ADD3: variants seen among roughly 807,000 people sequenced by gnomAD.
ADD3 encodes the protein adducin 3.
In ADD3, 25 loss-of-function variants were observed where a neutral mutation model predicts 80.2. The observed-to-expected ratio is 0.31, with a 90% CI of 0.23 to 0.44. The LOEUF is 0.44. ADD3 is among the 20% of genes least tolerant of loss of function. The pLI, the probability that ADD3 is intolerant of heterozygous loss-of-function variation, is 1.00. For missense variants in ADD3, 829 were observed against 847.5 expected (o/e 0.98, Z 0.27); for synonymous variants, 284 against 289.6 (o/e 0.98, Z 0.20).
chr10:110,015,215 G>C (rs1403678617), intron 1 of ADD3, among the ~76,000 whole-genome samples: 3 of 152,032 alleles, frequency 2.0e-5, no homozygotes, highest in African/African-American at 7.2e-5. Flanking sequence ...TTCGAATAAA[G>C]ATTTTCAAAA....
At chr10:110,085,407 ACAGT>A (rs34472330) in intron 1 of ADD3, among the ~76,000 whole-genome samples, 21,476 of 152,204 alleles carry the variant, frequency 0.14, 1,868 homozygotes, top group East Asian at 0.4. Context: ...ATCCAGGTAA[ACAGT>A]CAGGAGCAGA....
At chr10:110,037,866 A>C (rs1479848964) in intron 1 of ADD3, among the ~76,000 whole-genome samples, 2 of 151,938 alleles carry the variant, frequency 1.3e-5, no homozygotes, top group Non-Finnish European at 2.9e-5. Flanking sequence ...TGGGAGTTTG[A>C]AACCAGCCAG....
At chr10:110,107,420 G>A (rs748149551) in intron 2 of ADD3, among the ~76,000 whole-genome samples, 30 of 152,068 alleles carry the variant, frequency 2.0e-4, no homozygotes, top group Non-Finnish European at 3.7e-4. Context: ...AGTGCAAGTT[G>A]TGATCAGAGA....
At chr10:110,119,870 A>C (rs942445173) in intron 8 of ADD3, among the ~76,000 whole-genome samples, 2 of 152,222 alleles carry the variant, frequency 1.3e-5, no homozygotes, top group Non-Finnish European at 2.9e-5. Context: ...GGTACTAATT[A>C]AGGAAGAAAA....
intron 12 of ADD3, among the ~76,000 whole-genome samples, chr10:110,129,028 T>C (rs1852571820): frequency 6.6e-6 from 1 of 152,226 alleles, no homozygotes; most frequent in Non-Finnish European, 1.5e-5. Context: ...AATTCTTTTA[T>C]CTGGGACTAT....
rs146879363 is a variant in ADD3, at chr10:110,029,576, A to G, written c.-30+21277A>G. Among the ~76,000 whole-genome samples the G allele has an allele frequency of 3.8e-4, 58 of 152,348 alleles. No homozygotes were observed. The East Asian group carries it at 0.011, about 28-fold the overall frequency. On this transcript the variant is annotated intron_variant, in intron 1 of 14. Transcript: ENST00000356080. ...TGGGAAAGCATGGAGAGTTCTGAATAGATGATTAGATAAGGGCTTTCCAAA... is the reference window on the plus strand; with the variant it reads ...TGGGAAAGCATGGAGAGTTCTGAATGGATGATTAGATAAGGGCTTTCCAAA...
At chr10:110,101,437 C>T (rs1258180332) in intron 2 of ADD3, among the ~76,000 whole-genome samples, 1 of 151,980 alleles carries the variant, frequency 6.6e-6, no homozygotes, top group Non-Finnish European at 1.5e-5. Flanking sequence ...AGTTTGAAAC[C>T]AGCCTAGGCA....
At chr10:110,120,371 A>G (rs999397785) in intron 8 of ADD3, among the ~76,000 whole-genome samples, 9 of 150,432 alleles carry the variant, frequency 6.0e-5, no homozygotes, top group Admixed American at 6.0e-4. Flanking sequence ...GATGATTTCC[A>G]ATTTCATCCA....
intron 1 of ADD3, among the ~76,000 whole-genome samples, chr10:110,066,022 A>T (rs1376917266): frequency 6.6e-6 from 1 of 151,836 alleles, no homozygotes; most frequent in Non-Finnish European, 1.5e-5. Flanking sequence ...TTCCTTTCTC[A>T]TGCTTCTAAT....
At chr10:110,098,744 C>T (rs191320380) in intron 1 of ADD3, among the ~76,000 whole-genome samples, 25 of 152,188 alleles carry the variant, frequency 1.6e-4, no homozygotes, top group Admixed American at 2.6e-4. Flanking sequence ...ATTTTCCTGC[C>T]TCAGCCTCCC....
intron 1 of ADD3, among the ~76,000 whole-genome samples, chr10:110,099,283 T>C (rs1207214250): frequency 6.6e-6 from 1 of 151,994 alleles, no homozygotes; most frequent in Non-Finnish European, 1.5e-5. Flanking sequence ...TAAGTACTAT[T>C]TTTAAAATAT....
rs552835680 is a variant in ADD3, at chr10:110,133,815, G to A, written c.*197G>A. The A allele has an allele frequency of 4.6e-6, 2 of 433,090 alleles. No individual in the cohort carries two copies. The highest frequency in any genetic ancestry group is 4.1e-5 in the African/African-American group (2 of 49,098). The allele number at this position is 433,090 out of a possible 1,614,324, so 26.8% of individuals were successfully genotyped here. ...ATTTTATATGTCCAGAAATGGCTTT[G>A]AATTTTAAGCAATTACTAGTTTTAA... On this transcript the variant is annotated 3_prime_UTR_variant, in exon 15 of 15. Transcript: ENST00000356080.
chr10:110,102,826 G>T (rs1482750305), intron 2 of ADD3, among the ~76,000 whole-genome samples: 3 of 152,062 alleles, frequency 2.0e-5, no homozygotes, highest in African/African-American at 7.2e-5. Flanking sequence ...CTTATAGTTT[G>T]CCCATTAAAC....
At chr10:110,002,511 T>C (rs888630137), upstream of ADD3, among the ~76,000 whole-genome samples, 1 of 152,072 alleles carries the variant, frequency 6.6e-6, no homozygotes, top group African/African-American at 2.4e-5. Flanking sequence ...CCTGACCTTG[T>C]GATCTGCCTA....
chr10:110,130,128 A>C (rs186783848), intron 12 of ADD3, among the ~76,000 whole-genome samples: 1 of 152,172 alleles, frequency 6.6e-6, no homozygotes, highest in Non-Finnish European at 1.5e-5. Context: ...TTACTTATAC[A>C]GGCTTATTGA....
At chr10:110,129,545 T>G (rs1456685500) in intron 12 of ADD3, among the ~76,000 whole-genome samples, 1 of 152,178 alleles carries the variant, frequency 6.6e-6, no homozygotes, top group Non-Finnish European at 1.5e-5. Flanking sequence ...GGAATCTGTT[T>G]CCTATTCAGA....
intron 8 of ADD3, among the ~76,000 whole-genome samples, chr10:110,120,883 AAAAC>A (rs1188230375): frequency 4.0e-5 from 6 of 150,858 alleles, no homozygotes; most frequent in African/African-American, 1.5e-4. Context: ...AAACCTGAGA[AAAAC>A]AAGCAATGGG....
intron 12 of ADD3, among the ~76,000 whole-genome samples, chr10:110,129,903 A>C (rs1852722399): frequency 6.6e-6 from 1 of 152,194 alleles, no homozygotes; most frequent in Non-Finnish European, 1.5e-5. Context: ...CCATATGCCA[A>C]CTGCAACTGA....
intron 9 of ADD3, among the ~76,000 whole-genome samples, chr10:110,122,942 T>C (rs749746906): frequency 7.1e-4 from 108 of 152,250 alleles, no homozygotes; most frequent in Admixed American, 1.0e-3. Flanking sequence ...AGTTCAACTT[T>C]TTAAGACTCT....
Sources: gnomAD v4.1 joint callset for allele counts (sites outside exome capture counted in the v4.1 genomes callset) on GRCh38, gnomAD v4.1.1 for gene constraint, MANE v1.5 for transcripts, NCBI Gene and HGNC (gene_info 2026-07-23, HGNC 2026-07-21) for gene names.